Variants in FAM117B observed in about 807,000 individuals in gnomAD.
The protein encoded by FAM117B is protein FAM117B.
FAM117B carries 22 observed loss-of-function variants against 52.8 expected under a neutral mutation model. That is an observed-to-expected ratio of 0.42 (90% confidence interval 0.30 to 0.59). FAM117B has a LOEUF of 0.59. Among genes scored for constraint, FAM117B ranks in the 20% least tolerant of loss-of-function variants. FAM117B has a pLI of 0.22. For synonymous variants in FAM117B, 309 were observed against 324.1 expected, an observed-to-expected ratio of 0.95 and a Z score of 0.50; for missense variants, 678 against 802.6, an observed-to-expected ratio of 0.84 and a Z score of 1.88.
At chr2:202,655,897 T>C (rs1382905078) in intron 1 of FAM117B, among the ~76,000 whole-genome samples, 1 of 152,200 alleles carries the variant, frequency 6.6e-6, no homozygotes, top group Non-Finnish European at 1.5e-5. Flanking sequence ...TGGAATGTTT[T>C]TGTTAGAAAA....
chr2:202,729,693 C>T (rs116571085), intron 4 of FAM117B, among the ~76,000 whole-genome samples: 2,404 of 152,068 alleles, frequency 0.016, 63 homozygotes, highest in African/African-American at 0.054. Flanking sequence ...TCTAGAAAGA[C>T]GTCTCAGAGA....
intron 2 of FAM117B, among the ~76,000 whole-genome samples, chr2:202,719,112 C>G (rs1020368434): frequency 3.3e-5 from 5 of 152,122 alleles, no homozygotes; most frequent in Admixed American, 2.6e-4. Context: ...ACCTAAGTGT[C>G]CTACAATCAA....
At position 202,765,731 on chromosome 2, in the gene FAM117B, A is replaced by G. The variant is rs1287552357; in HGVS notation, c.1737A>G (p.Pro579=). Reference sequence around the variant, plus strand: ...TCATGCCATCAGCTTCTCTACTCCCACCACCAGAACCAATTGAGGAAGCTG... The same window carrying G: ...TCATGCCATCAGCTTCTCTACTCCCGCCACCAGAACCAATTGAGGAAGCTG... ...STVMPSASLL[P]PPEPIEEAEG is the part of the protein sequence containing the mutation. Residue 579 remains proline (P), a synonymous_variant, in exon 8 of 8, where the codon CCA becomes CCG. Transcript: ENST00000392238. 1.2e-6 allele frequency: 2 copies of G among 1,613,938 alleles called. No homozygotes were observed. Among genetic ancestry groups the G allele is most frequent in the Admixed American group, 3.3e-5 (2 of 59,996 alleles).
intron 5 of FAM117B, 37 bp downstream of exon 5, chr2:202,755,718 C>A (rs1040268348): frequency 3.2e-6 from 5 of 1,558,754 alleles, no homozygotes; most frequent in Non-Finnish European, 4.4e-6. Context: ...TTCTTGAACT[C>A]TTATAATTAT....
At chr2:202,754,875 G>T (rs528834892) in intron 4 of FAM117B, among the ~76,000 whole-genome samples, 13 of 108,286 alleles carry the variant, frequency 1.2e-4, no homozygotes, top group Middle Eastern at 7.7e-3. Flanking sequence ...GGGTGACAGA[G>T]TGAGATTCGT....
chr2:202,740,189 A>C (rs2105792848), intron 4 of FAM117B, among the ~76,000 whole-genome samples: 1 of 146,494 alleles, frequency 6.8e-6, no homozygotes, highest in Admixed American at 6.8e-5. Context: ...AAAAAAAAAA[A>C]AAAAAAAAAA....
At chr2:202,728,301 C>T (rs760986632) in intron 4 of FAM117B, among the ~76,000 whole-genome samples, 14 of 151,712 alleles carry the variant, frequency 9.2e-5, no homozygotes, top group African/African-American at 2.7e-4. Flanking sequence ...ATTTATAGTT[C>T]GATTATAATT....
chr2:202,761,970 AT>A (rs1691897573), intron 7 of FAM117B, among the ~76,000 whole-genome samples: 1 of 152,128 alleles, frequency 6.6e-6, no homozygotes, highest in Non-Finnish European at 1.5e-5. Flanking sequence ...CCAAAGACAA[AT>A]TAGCAGTCGT....
chr2:202,722,002 A>G (rs1171393443), intron 2 of FAM117B, among the ~76,000 whole-genome samples: 1 of 148,742 alleles, frequency 6.7e-6, no homozygotes, highest in African/African-American at 2.5e-5. Context: ...TCTTGTAAAG[A>G]TACAATTTTT....
At chr2:202,656,844 T>C (rs949160544) in intron 1 of FAM117B, among the ~76,000 whole-genome samples, 2 of 152,158 alleles carry the variant, frequency 1.3e-5, no homozygotes, top group East Asian at 1.9e-4. Context: ...GCTTCATATA[T>C]TTTGAAGCTT....
At chr2:202,748,364 G>A (rs1691667444) in intron 4 of FAM117B, among the ~76,000 whole-genome samples, 1 of 152,038 alleles carries the variant, frequency 6.6e-6, no homozygotes, top group Non-Finnish European at 1.5e-5. Flanking sequence ...TCAGCACATT[G>A]GTCTAGGCAA....
chr2:202,691,456 A>C (rs1690621453), intron 1 of FAM117B, among the ~76,000 whole-genome samples: 1 of 151,588 alleles, frequency 6.6e-6, no homozygotes, highest in South Asian at 2.1e-4. Context: ...TAATTTTAAT[A>C]ATCTTTGGCG....
At chr2:202,726,090 A>T (rs1436155510) in intron 3 of FAM117B, among the ~76,000 whole-genome samples, 160 bp from the exon 4 acceptor site, 14 of 152,240 alleles carry the variant, frequency 9.2e-5, no homozygotes, top group Admixed American at 9.2e-4. Flanking sequence ...GCATGTGTAG[A>T]TGTGTATAAA....
At chr2:202,719,615 C>T (rs1236061403) in intron 2 of FAM117B, among the ~76,000 whole-genome samples, 1 of 152,088 alleles carries the variant, frequency 6.6e-6, no homozygotes, top group Non-Finnish European at 1.5e-5. Flanking sequence ...TTTAAAAATA[C>T]CAATAAACTT....
intron 1 of FAM117B, among the ~76,000 whole-genome samples, chr2:202,665,048 GA>G (rs1270904264): frequency 6.6e-6 from 1 of 152,122 alleles, no homozygotes; most frequent in Non-Finnish European, 1.5e-5. Flanking sequence ...CTCATTCATG[GA>G]GTTGACAGAA....
intron 4 of FAM117B, among the ~76,000 whole-genome samples, chr2:202,734,585 A>G (rs1013322676): frequency 6.6e-6 from 1 of 152,250 alleles, no homozygotes; most frequent in Middle Eastern, 3.2e-3. Flanking sequence ...CTCTGAGGTC[A>G]GACTGTTTGG....
At chr2:202,730,955 G>C (rs1057047114) in intron 4 of FAM117B, among the ~76,000 whole-genome samples, 44 of 152,248 alleles carry the variant, frequency 2.9e-4, no homozygotes, top group South Asian at 4.2e-4. Context: ...AATGTGAAAA[G>C]ATAACCCACA....
At chr2:202,691,752 C>T (rs938474143) in intron 1 of FAM117B, among the ~76,000 whole-genome samples, 5 of 151,330 alleles carry the variant, frequency 3.3e-5, no homozygotes, top group Admixed American at 6.6e-5. Flanking sequence ...GCGACTATCC[C>T]GAAAGGGATT....
chr2:202,664,373 G>C (rs961978525), intron 1 of FAM117B, among the ~76,000 whole-genome samples: 2 of 152,204 alleles, frequency 1.3e-5, no homozygotes, highest in African/African-American at 4.8e-5. Flanking sequence ...GAATGTCTGA[G>C]AACTGCTCAG....
Sources: allele counts gnomAD v4.1 joint callset (sites outside exome capture counted in the v4.1 genomes callset), GRCh38; gene constraint gnomAD v4.1.1; transcripts MANE v1.5; gene names NCBI Gene and HGNC (gene_info 2026-07-23, HGNC 2026-07-21).